The following NWD2 variants were observed in gnomAD, a reference collection of about 807,000 sequenced individuals.
NWD2 encodes the protein NACHT and WD repeat domain-containing protein 2.
NWD2 carries 37 observed loss-of-function variants against 132.7 expected under a neutral mutation model. The ratio of observed to expected loss-of-function variants is 0.28; its 90% CI spans 0.21 to 0.37. The LOEUF (loss-of-function observed/expected upper bound fraction) is 0.37, where lower values mean the gene tolerates loss of function less well. NWD2 is among the 10% of genes least tolerant of loss of function. The probability of loss-of-function intolerance (pLI) is 1.00; values close to 1 mark genes in which losing one functional copy is unlikely to be tolerated. For synonymous variants in NWD2, 705 were observed against 803.0 expected, an observed-to-expected ratio of 0.88 and a Z score of 2.06; for missense variants, 1,592 against 2,122.4, an observed-to-expected ratio of 0.75 and a Z score of 4.91.
At chr4:37,409,031 T>C (rs1224539886) in intron 3 of NWD2, among the ~76,000 whole-genome samples, 3 of 152,056 alleles carry the variant, frequency 2.0e-5, no homozygotes, top group Admixed American at 6.5e-5. Flanking sequence ...CAAAGGTAGG[T>C]AAATCCACAA....
intron 2 of NWD2, among the ~76,000 whole-genome samples, chr4:37,330,458 A>G (rs558536455): frequency 6.6e-6 from 1 of 152,332 alleles, no homozygotes; most frequent in Admixed American, 6.5e-5. Flanking sequence ...CAGACTGGGG[A>G]GAAAGCCGGT....
rs996738131 is a variant in NWD2, at chr4:37,316,253, A to G, written c.152-9683A>G. The stretch of plus-strand genomic sequence containing the variant: ...TTTTTTAAAAATAGTTTTGTTGAAT[A>G]TAGAATTATTGGTTGACTCATTTTT... On this transcript the variant is annotated intron_variant, in intron 1 of 6. Coordinates refer to ENST00000309447, the MANE Select transcript of NWD2 (RefSeq NM_001144990.2). Among the ~76,000 whole-genome samples, 6 of 152,152 alleles carry G rather than the reference A, an allele frequency of 3.9e-5. No individual in the cohort carries two copies. In the South Asian group the frequency reaches 6.2e-4, roughly 16 times the overall value.
intron 2 of NWD2, among the ~76,000 whole-genome samples, chr4:37,333,132 G>A: frequency 6.6e-6 from 1 of 152,154 alleles, no homozygotes; most frequent in East Asian, 1.9e-4. Flanking sequence ...CTCATGAAGG[G>A]CGTCTCTGAA....
intron 3 of NWD2, among the ~76,000 whole-genome samples, chr4:37,361,908 C>G (rs527958717): frequency 6.6e-6 from 1 of 152,236 alleles, no homozygotes; most frequent in African/African-American, 2.4e-5. Context: ...TGATGTGATT[C>G]TATACCTAGG....
intron 1 of NWD2, among the ~76,000 whole-genome samples, chr4:37,297,173 A>G (rs1455299613): frequency 2.8e-5 from 4 of 144,688 alleles, no homozygotes; most frequent in Non-Finnish European, 1.5e-5. Context: ...AGGATCCCTC[A>G]CAGACACCAA....
intron 2 of NWD2, among the ~76,000 whole-genome samples, chr4:37,337,735 G>A (rs1407011915): frequency 6.6e-6 from 1 of 152,080 alleles, no homozygotes; most frequent in Non-Finnish European, 1.5e-5. Flanking sequence ...CTGTACATGA[G>A]TAATCTTTGC....
intron 1 of NWD2, among the ~76,000 whole-genome samples, chr4:37,316,069 C>A (rs1213158449): frequency 2.0e-5 from 3 of 151,212 alleles, no homozygotes; most frequent in African/African-American, 7.4e-5. Context: ...CTTATATAGT[C>A]TTTTATACAT....
intron 1 of NWD2, among the ~76,000 whole-genome samples, chr4:37,280,048 A>G (rs767568069): frequency 6.6e-6 from 1 of 152,192 alleles, no homozygotes; most frequent in Non-Finnish European, 1.5e-5. Flanking sequence ...TTATATATCC[A>G]GAGTACAGAA....
chr4:37,278,966 T>A (rs1039504522), intron 1 of NWD2, among the ~76,000 whole-genome samples: 6 of 152,174 alleles, frequency 3.9e-5, no homozygotes, highest in African/African-American at 1.4e-4. Context: ...ACCTCTGTTA[T>A]ACTTGATTCT....
chr4:37,324,854 A>G (rs1044142820), intron 1 of NWD2, among the ~76,000 whole-genome samples: 1 of 152,202 alleles, frequency 6.6e-6, no homozygotes, highest in South Asian at 2.1e-4. Context: ...AAAATAGAGT[A>G]GGTCAACACG....
At chr4:37,353,662 C>T (rs190745713) in intron 2 of NWD2, among the ~76,000 whole-genome samples, 7 of 151,920 alleles carry the variant, frequency 4.6e-5, no homozygotes, top group Non-Finnish European at 7.4e-5. Context: ...GTATGCTTCA[C>T]GAAGTTCTCA....
intron 5 of NWD2, among the ~76,000 whole-genome samples, chr4:37,435,929 T>C (rs1284898813): frequency 6.6e-6 from 1 of 152,220 alleles, no homozygotes; most frequent in Non-Finnish European, 1.5e-5. Context: ...ATGGATATAG[T>C]ATATATTATA....
At chr4:37,378,686 T>C (rs1720396452) in intron 3 of NWD2, among the ~76,000 whole-genome samples, 1 of 152,236 alleles carries the variant, frequency 6.6e-6, no homozygotes, top group African/African-American at 2.4e-5. Context: ...TTGGTGACTC[T>C]TGTGAAAGTG....
chr4:37,439,973 C>T lies in NWD2; in HGVS notation c.1296+583C>T, dbSNP rs1712437594. Reference sequence around the variant, plus strand: ...GGGGATATGGGAAAGGTAAGGTGGCCAGAAAGTTATTACGTAACCAGTGCT... The same window carrying T: ...GGGGATATGGGAAAGGTAAGGTGGCTAGAAAGTTATTACGTAACCAGTGCT... On this transcript the variant is annotated intron_variant, in intron 6 of 6. Coordinates refer to ENST00000309447, the MANE Select transcript of NWD2 (RefSeq NM_001144990.2). This position sits in a 1 kb window ranked among gnomAD's most constrained non-coding sequence, Gnocchi z 4.5. Among the ~76,000 whole-genome samples the T allele has an allele frequency of 6.6e-6, 1 of 152,078 alleles. No individual in the cohort carries two copies. The highest frequency in any genetic ancestry group is 6.5e-5 in the Admixed American group (1 of 15,274).
At chr4:37,274,387 G>C (rs899065994) in intron 1 of NWD2, among the ~76,000 whole-genome samples, 1 of 152,114 alleles carries the variant, frequency 6.6e-6, no homozygotes, top group African/African-American at 2.4e-5. Context: ...CCAGGAAGAA[G>C]TTGAATCTCT....
In NWD2 at chr4:37,384,638, T is replaced by G. The variant is rs150909789; in HGVS notation, c.357+28156T>G. ...CTGGTGTTCACAGTGCACATGGAGCTCAGCTATGTCTTCTCTTGCAAGTTC... is the reference window on the plus strand; with the variant it reads ...CTGGTGTTCACAGTGCACATGGAGCGCAGCTATGTCTTCTCTTGCAAGTTC... On this transcript the variant is annotated intron_variant, in intron 3 of 6. Coordinates refer to ENST00000309447, the MANE Select transcript of NWD2 (RefSeq NM_001144990.2). Among the ~76,000 whole-genome samples, 542 of 152,314 alleles carry G rather than the reference T, an allele frequency of 3.6e-3. 3 individuals are homozygous for G. Among genetic ancestry groups the G allele is most frequent in the African/African-American group, 0.013 (524 of 41,566 alleles).
intron 3 of NWD2, among the ~76,000 whole-genome samples, chr4:37,395,520 G>A (rs1720769400): frequency 7.6e-6 from 1 of 131,878 alleles, no homozygotes; most frequent in South Asian, 2.7e-4. Flanking sequence ...TCTCCCAGAG[G>A]TCGCAGTGAG....
chr4:37,368,534 A>G (rs1261689141), intron 3 of NWD2, among the ~76,000 whole-genome samples: 1 of 152,168 alleles, frequency 6.6e-6, no homozygotes, highest in African/African-American at 2.4e-5. Context: ...GTGCGGCTAA[A>G]TATGATACTG....
At chr4:37,334,107 A>G (rs897165028) in intron 2 of NWD2, among the ~76,000 whole-genome samples, 10 of 152,198 alleles carry the variant, frequency 6.6e-5, no homozygotes, top group African/African-American at 2.4e-4. Context: ...TTGGCATTAA[A>G]GAGGAGATAG....
Sources: gnomAD v4.1 joint callset for allele counts (sites outside exome capture counted in the v4.1 genomes callset) on GRCh38, gnomAD v4.1.1 for gene constraint, Gnocchi (gnomAD v3.1) non-coding constraint, MANE v1.5 for transcripts, NCBI Gene and HGNC (gene_info 2026-07-23, HGNC 2026-07-21) for gene names.